The following C2orf49 variants were observed in gnomAD, a reference collection of about 807,000 sequenced individuals.
C2orf49 encodes tRNA splicing ligase complex subunit 2.
A neutral mutation model predicts 20.6 loss-of-function variants in C2orf49; 11 were observed. The observed-to-expected ratio is 0.53, with a 90% confidence interval of 0.34 to 0.88. The LOEUF (loss-of-function observed/expected upper bound fraction) is 0.88, where lower values mean the gene tolerates loss of function less well. C2orf49 is among the 40% of genes least tolerant of loss of function. The pLI is 0.02. For synonymous variants in C2orf49, 134 were observed against 108.5 expected, an observed-to-expected ratio of 1.24 and a Z score of -1.46; for missense variants, 289 against 274.2, an observed-to-expected ratio of 1.05 and a Z score of -0.38.
chr2:105,368,507 G>A, the C2orf49 span, among the ~76,000 whole-genome samples: 8 of 152,120 alleles, frequency 5.3e-5, no homozygotes, highest in African/African-American at 1.7e-4. Context: ...ATCTTCATGT[G>A]TTACTTGTAC....
chr2:105,380,129 A>G, the C2orf49 span, among the ~76,000 whole-genome samples: 1 of 152,166 alleles, frequency 6.6e-6, no homozygotes, highest in Non-Finnish European at 1.5e-5. Context: ...GTAACTCAAT[A>G]CTGCCAGGTT....
At chr2:105,379,683 G>A in the C2orf49 span, among the ~76,000 whole-genome samples, 67 of 152,216 alleles carry the variant, frequency 4.4e-4, no homozygotes, top group African/African-American at 1.2e-3. Flanking sequence ...ACCCCAACTC[G>A]CTTTCCAACC....
chr2:105,343,130 T>G lies in C2orf49; in HGVS notation c.549T>G (p.Pro183=). Residue 183 remains proline (P), a synonymous_variant, in exon 3 of 4, where the codon CCT becomes CCG. Transcript: ENST00000258457. ...QNHDLTHRKS[P]SGPVKSPPLS... ...ATGACTTAACGCATAGGAAAAGTCC[T>G]TCAGGCCCTGTGAAGTCGCCACCAT... The G allele has an allele frequency of 6.2e-7, 1 of 1,614,230 alleles. No individual in the cohort carries two copies. The highest frequency in any genetic ancestry group is 8.5e-7 in the Non-Finnish European group (1 of 1,180,042).
the C2orf49 span, chr2:105,367,438 G>T: frequency 1.2e-4 from 103 of 853,340 alleles, 1 homozygote; most frequent in African/African-American, 1.5e-3. Flanking sequence ...AGAATGTAAG[G>T]CAGGACAGGC....
the C2orf49 span, among the ~76,000 whole-genome samples, chr2:105,356,143 A>C: frequency 2.6e-5 from 4 of 152,018 alleles, no homozygotes; most frequent in African/African-American, 9.7e-5. Flanking sequence ...TAATCCCAGC[A>C]CTTTTGGGAG....
At chr2:105,373,631 G>T in the C2orf49 span, 1 of 1,614,232 alleles carries the variant, frequency 6.2e-7, no homozygotes, top group South Asian at 1.1e-5. Context: ...GTACAGAGCA[G>T]CTGGTCCTCC....
At chr2:105,384,026 G>A in the C2orf49 span, among the ~76,000 whole-genome samples, 1 of 152,190 alleles carries the variant, frequency 6.6e-6, no homozygotes, top group Non-Finnish European at 1.5e-5. Flanking sequence ...CATAAAACAT[G>A]CGTGGAAGGA....
intron 1 of C2orf49, 71 bp downstream of exon 1, chr2:105,337,757 T>A: frequency 3.6e-6 from 5 of 1,391,490 alleles, no homozygotes; most frequent in African/African-American, 1.4e-5. Context: ...CGAGCTTGCC[T>A]TAAGTAGCCC....
At chr2:105,352,857 T>C (rs1191655427), downstream of C2orf49, among the ~76,000 whole-genome samples, 1 of 152,230 alleles carries the variant, frequency 6.6e-6, no homozygotes, top group African/African-American at 2.4e-5. Flanking sequence ...GGTAGTTTAC[T>C]AGTTATATTT....
chr2:105,359,421 C>A, the C2orf49 span: 1 of 152,216 alleles, frequency 6.6e-6, no homozygotes, highest in Non-Finnish European at 1.5e-5. Context: ...ATCAAACATT[C>A]TAACAGTGAC....
chr2:105,373,381 A>G, the C2orf49 span: 1 of 662,930 alleles, frequency 1.5e-6, no homozygotes, highest in Non-Finnish European at 2.7e-6. Flanking sequence ...ACTGCCCATG[A>G]TAGAACCTGT....
At chr2:105,380,127 A>G in the C2orf49 span, among the ~76,000 whole-genome samples, 5 of 152,298 alleles carry the variant, frequency 3.3e-5, no homozygotes, top group African/African-American at 1.2e-4. Flanking sequence ...AGGTAACTCA[A>G]TACTGCCAGG....
the C2orf49 span, among the ~76,000 whole-genome samples, chr2:105,362,845 C>A: frequency 6.6e-6 from 1 of 152,184 alleles, no homozygotes; most frequent in South Asian, 2.1e-4. Context: ...ACCCTCTGCC[C>A]TCATATAGCT....
downstream of C2orf49, among the ~76,000 whole-genome samples, chr2:105,349,750 G>T (rs1463799553): frequency 6.6e-6 from 1 of 152,252 alleles, no homozygotes; most frequent in African/African-American, 2.4e-5. Flanking sequence ...AAAGTAGGAT[G>T]AGAAGCTATT....
chr2:105,380,951 G>T, the C2orf49 span, among the ~76,000 whole-genome samples: 1 of 152,096 alleles, frequency 6.6e-6, no homozygotes, highest in African/African-American at 2.4e-5. Context: ...TCCTAACATG[G>T]GCTGTGCCTG....
chr2:105,380,961 G>C, the C2orf49 span, among the ~76,000 whole-genome samples: 1 of 152,260 alleles, frequency 6.6e-6, no homozygotes, highest in African/African-American at 2.4e-5. Flanking sequence ...GGCTGTGCCT[G>C]TTGCTTGGCT....
At chr2:105,372,551 C>T in the C2orf49 span, among the ~76,000 whole-genome samples, 1 of 152,002 alleles carries the variant, frequency 6.6e-6, no homozygotes, top group Non-Finnish European at 1.5e-5. Context: ...AAACTATTTC[C>T]CATATGTCAG....
At chr2:105,338,048 A>G (rs958031720) in intron 1 of C2orf49, among the ~76,000 whole-genome samples, 2 of 152,212 alleles carry the variant, frequency 1.3e-5, no homozygotes, top group South Asian at 2.1e-4. Flanking sequence ...AGGACTGGAA[A>G]GCATCTGAGA....
intron 3 of C2orf49, 105 bp downstream of exon 3, chr2:105,343,328 A>G: frequency 8.9e-7 from 1 of 1,123,056 alleles, no homozygotes; most frequent in Non-Finnish European, 1.2e-6. Flanking sequence ...CTGTTCTTGA[A>G]CCCTTTTGAT....
Sources: allele counts gnomAD v4.1 joint callset (sites outside exome capture counted in the v4.1 genomes callset), GRCh38; gene constraint gnomAD v4.1.1; transcripts MANE v1.5; gene names NCBI Gene and HGNC (gene_info 2026-07-23, HGNC 2026-07-21).